AAGAB: variants seen among roughly 807,000 people sequenced by gnomAD.
The protein encoded by AAGAB is alpha and gamma adaptin binding protein.
AAGAB carries 38 observed loss-of-function variants against 44.1 expected under a neutral mutation model. The observed-to-expected ratio is 0.86, with a 90% CI of 0.67 to 1.13. The LOEUF is 1.13. AAGAB is among the 50% of genes most tolerant of loss of function. AAGAB has a pLI of 0.00. For synonymous variants in AAGAB, 131 were observed against 131.8 expected (o/e 0.99, Z 0.04); for missense variants, 450 against 373.8 (o/e 1.20, Z -1.68).
chr15:67,250,088 T>C (rs1365692758), intron 1 of AAGAB, among the ~76,000 whole-genome samples: 1 of 152,256 alleles, frequency 6.6e-6, no homozygotes, highest in African/African-American at 2.4e-5. Flanking sequence ...CTAAAGTTCC[T>C]TCTAGGGAAG....
chr15:67,240,968 T>C (rs1014339784), intron 1 of AAGAB, among the ~76,000 whole-genome samples: 1 of 151,902 alleles, frequency 6.6e-6, no homozygotes, highest in Non-Finnish European at 1.5e-5. Flanking sequence ...GGTGATACTC[T>C]CTTTAGCATG....
At chr15:67,241,626 C>A (rs1461569877) in intron 1 of AAGAB, among the ~76,000 whole-genome samples, 1 of 152,020 alleles carries the variant, frequency 6.6e-6, no homozygotes, top group Admixed American at 6.6e-5. Context: ...AAGCCTTGGG[C>A]AGATTAACCT....
rs1414847404 is a variant in AAGAB at position 67,202,646 on chromosome 15, GA to G, written c.*174del. 4.9e-6 allele frequency: 3 copies of G among 606,432 alleles called. No homozygotes were observed. The highest frequency in any genetic ancestry group is 8.9e-6 in the Non-Finnish European group (3 of 337,082). 37.6% of individuals were successfully genotyped at this position (606,432 alleles called of 1,614,324 possible). On this transcript the variant is annotated 3_prime_UTR_variant, in exon 10 of 10. Transcript: ENST00000261880. ...CCTCACTCTCTTACAATATACTGAGGAAAAAAAAGATTTCTCCTTAACCTCC... is the reference window on the plus strand; with the variant it reads ...CCTCACTCTCTTACAATATACTGAGGAAAAAAAGATTTCTCCTTAACCTCC...
rs756536786 is a variant in AAGAB at position 67,204,155 on chromosome 15, T to C, written c.716-7A>G. Reference sequence around the variant, plus strand: ...TCCAGATCTAACATGGGATCTGAAATAGGGATTTGTCACATTATCTGTCAC... The same window carrying C: ...TCCAGATCTAACATGGGATCTGAAACAGGGATTTGTCACATTATCTGTCAC... On this transcript the variant is annotated splice_polypyrimidine_tract_variant and splice_region_variant and intron_variant, in intron 7 of 9. Transcript: ENST00000261880. The C allele has an allele frequency of 6.4e-7, 1 of 1,563,124 alleles. No homozygotes were observed. The highest frequency in any genetic ancestry group is 8.8e-7 in the Non-Finnish European group (1 of 1,135,264).
intron 1 of AAGAB, among the ~76,000 whole-genome samples, chr15:67,245,605 A>T (rs1964702078): frequency 6.6e-6 from 1 of 152,242 alleles, no homozygotes. Flanking sequence ...AAACAGGCAG[A>T]TTGTATACTA....
chr15:67,240,054 G>A (rs1029322635), intron 1 of AAGAB, among the ~76,000 whole-genome samples: 18 of 152,158 alleles, frequency 1.2e-4, no homozygotes, highest in African/African-American at 4.1e-4. Flanking sequence ...ACCTGAGCTG[G>A]ATCACACTTG....
In AAGAB at chr15:67,240,469, A is replaced by G. The variant is rs1187767881; in HGVS notation, c.74-3649T>C. Among the ~76,000 whole-genome samples, 5 of 152,196 alleles carry G rather than the reference A, an allele frequency of 3.3e-5. No homozygotes were observed. In the South Asian group the frequency reaches 1.0e-3, roughly 32 times the overall value. ...GTGGAGCTGTAATACATCATTTTTT[A>G]AGAGACAAACACTAGGTGTTTACTT... On this transcript the variant is annotated intron_variant, in intron 1 of 9. Transcript: ENST00000261880.
intron 5 of AAGAB, among the ~76,000 whole-genome samples, chr15:67,218,270 C>T (rs541690008): frequency 6.6e-6 from 1 of 152,296 alleles, no homozygotes; most frequent in African/African-American, 2.4e-5. Flanking sequence ...TTAAAAGACC[C>T]ACTGAATACT....
At chr15:67,243,321 T>C (rs917111670) in intron 1 of AAGAB, among the ~76,000 whole-genome samples, 2 of 152,160 alleles carry the variant, frequency 1.3e-5, no homozygotes, top group Admixed American at 6.5e-5. Flanking sequence ...ATGGGCTGCA[T>C]GCAAAGACCA....
At chr15:67,214,043 A>T (rs1003593393) in intron 5 of AAGAB, among the ~76,000 whole-genome samples, 1 of 152,216 alleles carries the variant, frequency 6.6e-6, no homozygotes, top group Non-Finnish European at 1.5e-5. Flanking sequence ...TCTGATTCTA[A>T]AGTCTATACT....
intron 7 of AAGAB, among the ~76,000 whole-genome samples, chr15:67,204,571 G>A (rs766185416): frequency 3.3e-5 from 5 of 151,716 alleles, no homozygotes; most frequent in East Asian, 1.9e-4. Context: ...ATCTATTACC[G>A]ACAACCACTA....
At chr15:67,204,176 G>A (rs754158336) in intron 7 of AAGAB, 28 bp from the exon 8 acceptor site, 20 of 1,473,226 alleles carry the variant, frequency 1.4e-5, no homozygotes, top group Non-Finnish European at 1.9e-5. Context: ...CACATTATCT[G>A]TCACGTTATT....
intron 5 of AAGAB, among the ~76,000 whole-genome samples, chr15:67,216,536 T>G (rs1190819139): frequency 6.8e-6 from 1 of 147,400 alleles, no homozygotes; most frequent in East Asian, 2.0e-4. Context: ...TAGTTGTTGT[T>G]TTTTTTTTTC....
At chr15:67,242,040 T>C (rs951197673) in intron 1 of AAGAB, among the ~76,000 whole-genome samples, 50 of 152,228 alleles carry the variant, frequency 3.3e-4, no homozygotes, top group African/African-American at 1.2e-3. Flanking sequence ...GTAGCTATTA[T>C]GAAAGAAAAG....
intron 1 of AAGAB, among the ~76,000 whole-genome samples, chr15:67,245,553 C>T (rs571162034): frequency 4.6e-5 from 7 of 152,134 alleles, no homozygotes; most frequent in Non-Finnish European, 1.0e-4. Context: ...GATGGTTGCA[C>T]AAATCCGTAA....
intron 5 of AAGAB, among the ~76,000 whole-genome samples, 169 bp from the exon 6 acceptor site, chr15:67,209,713 C>G (rs1963768840): frequency 6.6e-6 from 1 of 152,210 alleles, no homozygotes; most frequent in South Asian, 2.1e-4. Flanking sequence ...AGTGCAGTGG[C>G]ACAATCACAG....
At chr15:67,206,049 T>C (rs1963677657) in intron 7 of AAGAB, among the ~76,000 whole-genome samples, 1 of 152,226 alleles carries the variant, frequency 6.6e-6, no homozygotes. Flanking sequence ...TTCATCGGTT[T>C]TTCCACTAAT....
At chr15:67,242,295 C>A (rs1343549124) in intron 1 of AAGAB, among the ~76,000 whole-genome samples, 1 of 132,258 alleles carries the variant, frequency 7.6e-6, no homozygotes, top group Non-Finnish European at 1.6e-5. Flanking sequence ...CGGTGGCGGG[C>A]GCCTGTAGTC....
intron 1 of AAGAB, among the ~76,000 whole-genome samples, chr15:67,253,800 G>A (rs1372659171): frequency 6.6e-6 from 1 of 152,028 alleles, no homozygotes; most frequent in Non-Finnish European, 1.5e-5. Flanking sequence ...GGTAGGTTAG[G>A]TGACTTGCTC....
Sources: gnomAD v4.1 joint callset for allele counts (sites outside exome capture counted in the v4.1 genomes callset) on GRCh38, gnomAD v4.1.1 for gene constraint, MANE v1.5 for transcripts, NCBI Gene and HGNC (gene_info 2026-07-23, HGNC 2026-07-21) for gene names.